The following MTAP variants were observed in gnomAD, a reference collection of about 807,000 sequenced individuals.
MTAP encodes S-methyl-5'-thioadenosine phosphorylase.
In MTAP, 33 loss-of-function variants were observed where a neutral mutation model predicts 33.6. The observed-to-expected ratio is 0.98, with a 90% CI of 0.74 to 1.31. The LOEUF is 1.31. MTAP is among the 40% of genes most tolerant of loss of function. The pLI, the probability that MTAP is intolerant of heterozygous loss-of-function variation, is 0.00. For missense variants in MTAP, 367 were observed against 360.0 expected (o/e 1.02, Z -0.16); for synonymous variants, 148 against 125.7 (o/e 1.18, Z -1.19).
chr9:21,928,675 C>A (rs1385932649), intron 1 of MTAP, among the ~76,000 whole-genome samples: 1 of 151,990 alleles, frequency 6.6e-6, no homozygotes, highest in African/African-American at 2.4e-5. Context: ...CCTCACTTTG[C>A]CTGAGAACTG....
intron 5 of MTAP, among the ~76,000 whole-genome samples, chr9:21,850,648 G>T (rs751009891): frequency 6.6e-6 from 1 of 152,218 alleles, no homozygotes; most frequent in African/African-American, 2.4e-5. Flanking sequence ...ATCTTCTGCA[G>T]ATAACTATTC....
chr9:21,910,579 C>T lies in MTAP; in HGVS notation c.148-20429C>T, dbSNP rs773895215. Among the ~76,000 whole-genome samples the T allele has an allele frequency of 2.6e-5, 4 of 152,052 alleles. No individual in the cohort carries two copies. The South Asian group carries it at 8.3e-4, about 32-fold the overall frequency. ...GCTAGTGTATGGAAGTAAATGATCC[C>T]GTGAAAGAGTAGTAGGAAATAAAGT... On this transcript the variant is annotated intron_variant, in intron 1 of 1. Transcript: ENST00000577563.
At chr9:21,914,893 A>T (rs1563869180) in intron 1 of MTAP, among the ~76,000 whole-genome samples, 3 of 151,856 alleles carry the variant, frequency 2.0e-5, no homozygotes, top group African/African-American at 4.8e-5. Context: ...GACATTTTAT[A>T]TGAAAAGAGT....
intron 5 of MTAP, among the ~76,000 whole-genome samples, chr9:21,841,532 C>T (rs1012532719): frequency 6.6e-6 from 1 of 152,252 alleles, no homozygotes; most frequent in African/African-American, 2.4e-5. Flanking sequence ...TACTTCACTT[C>T]CCTGCCACAT....
intron 4 of MTAP, among the ~76,000 whole-genome samples, chr9:21,826,633 A>G (rs1164596313): frequency 4.1e-5 from 6 of 145,832 alleles, no homozygotes; most frequent in Admixed American, 1.4e-4. Context: ...TATTATTATT[A>G]TTATTATTAT....
At chr9:21,823,511 G>A (rs2118135383) in intron 4 of MTAP, among the ~76,000 whole-genome samples, 1 of 152,286 alleles carries the variant, frequency 6.6e-6, no homozygotes, top group East Asian at 1.9e-4. Context: ...TCCCTTGTGG[G>A]TAACCCGACC....
At chr9:21,804,339 TG>T (rs918395843) in intron 1 of MTAP, among the ~76,000 whole-genome samples, 1 of 152,178 alleles carries the variant, frequency 6.6e-6, no homozygotes, top group African/African-American at 2.4e-5. Flanking sequence ...AATGGAGAAA[TG>T]GTGTTTAAAA....
intron 1 of MTAP, among the ~76,000 whole-genome samples, chr9:21,904,798 G>A (rs1034163672): frequency 6.6e-6 from 1 of 152,068 alleles, no homozygotes; most frequent in Non-Finnish European, 1.5e-5. Flanking sequence ...ATTTGTCCAG[G>A]GATTGTAATT....
In MTAP at chr9:21,862,934, G is replaced by A. The variant is rs1306386581; in HGVS notation, c.*920G>A. 1 of 979,352 alleles carries A rather than the reference G, an allele frequency of 1.0e-6. No individual in the cohort carries two copies. Among genetic ancestry groups the A allele is most frequent in the African/African-American group, 1.8e-5 (1 of 57,048 alleles). 60.7% of individuals were successfully genotyped at this position (979,352 alleles called of 1,614,324 possible). ...GTAAAGTTGTTGTAAAAATAAAAGT[G>A]GATTTAGAAAGATCCAGTTCTTGAA... On this transcript the variant is annotated 3_prime_UTR_variant, in exon 8 of 8. Coordinates refer to ENST00000644715, the MANE Select transcript of MTAP (RefSeq NM_002451.4).
chr9:21,804,851 G>C (rs1824166549), intron 1 of MTAP, among the ~76,000 whole-genome samples: 1 of 152,194 alleles, frequency 6.6e-6, no homozygotes. Context: ...GACAGAATTG[G>C]GCCTAGAGCC....
chr9:21,825,809 C>T (rs143765704), intron 4 of MTAP, among the ~76,000 whole-genome samples: 6 of 152,308 alleles, frequency 3.9e-5, no homozygotes, highest in Non-Finnish European at 8.8e-5. Context: ...CCACTACACT[C>T]CAGCCTGGGT....
chr9:21,825,695 G>T (rs1434086393), intron 4 of MTAP, among the ~76,000 whole-genome samples: 3 of 152,122 alleles, frequency 2.0e-5, no homozygotes. Flanking sequence ...ACAAAAATTA[G>T]CCATGTGTGT....
chr9:21,822,861 T>C (rs1409404622), intron 4 of MTAP, among the ~76,000 whole-genome samples: 1 of 152,240 alleles, frequency 6.6e-6, no homozygotes, highest in Non-Finnish European at 1.5e-5. Flanking sequence ...CTTGTTGAAT[T>C]GATCCCTTTA....
At chr9:21,803,030 A>ACACACACACACACACACACC (rs1291326035) in intron 1 of MTAP, 5 of 1,006,422 alleles carry the variant, frequency 5.0e-6, no homozygotes, top group Non-Finnish European at 6.6e-6. Flanking sequence ...ACACACACAC[A>ACACACACACACACACACACC]CACACACCAC....
rs1824365042 is a variant in MTAP, at chr9:21,812,081, C to A, written c.34-3352C>A. 2.9e-5 allele frequency: 7 copies of A among 238,132 alleles called. No homozygotes were observed. The Admixed American group carries it at 3.4e-4, about 12-fold the overall frequency. 14.8% of individuals were successfully genotyped at this position (238,132 alleles called of 1,614,324 possible). The stretch of plus-strand genomic sequence containing the variant: ...TCATATTCTTGGCATCAAAGAACTG[C>A]CAAGTGGGCTCACGCACCATGAGGG... On this transcript the variant is annotated intron_variant, in intron 1 of 7. Transcript: ENST00000644715.
intron 5 of MTAP, among the ~76,000 whole-genome samples, chr9:21,843,998 CAAG>C (rs1825315596): frequency 1.3e-5 from 2 of 151,520 alleles, no homozygotes; most frequent in East Asian, 3.9e-4. Context: ...TGAAATTAAC[CAAG>C]AAGAGAAAAG....
At chr9:21,805,914 G>C (rs1338406851) in intron 1 of MTAP, among the ~76,000 whole-genome samples, 1 of 152,196 alleles carries the variant, frequency 6.6e-6, no homozygotes, top group African/African-American at 2.4e-5. Flanking sequence ...GTGAAGACCT[G>C]AGGAGAGAGA....
chr9:21,826,918 A>G (rs377289275), intron 4 of MTAP, among the ~76,000 whole-genome samples: 18 of 152,222 alleles, frequency 1.2e-4, no homozygotes, highest in African/African-American at 4.1e-4. Flanking sequence ...TCATAGGAGC[A>G]GGAACCCAAT....
chr9:21,827,218 A>C (rs1047052736), intron 4 of MTAP, among the ~76,000 whole-genome samples: 1 of 152,070 alleles, frequency 6.6e-6, no homozygotes, highest in Non-Finnish European at 1.5e-5. Flanking sequence ...CGCAGAGTTA[A>C]ATCATTTGGG....
Sources: allele counts gnomAD v4.1 joint callset (sites outside exome capture counted in the v4.1 genomes callset), GRCh38; gene constraint gnomAD v4.1.1; transcripts MANE v1.5; gene names NCBI Gene and HGNC (gene_info 2026-07-23, HGNC 2026-07-21).